The following SGCG variants were observed in gnomAD, a reference collection of about 807,000 sequenced individuals.
The protein encoded by SGCG is sarcoglycan gamma, also known as gamma-sarcoglycan.
Under a neutral mutation model 29.3 loss-of-function variants are expected in SGCG, and 26 were observed. The observed-to-expected ratio is 0.89, with a 90% CI of 0.65 to 1.23. The LOEUF is 1.23. Among genes scored for constraint, SGCG ranks in the 50% most tolerant of loss-of-function variants. SGCG has a pLI of 0.00. For missense variants in SGCG, 353 were observed against 356.0 expected (o/e 0.99, Z 0.07); for synonymous variants, 145 against 129.7 (o/e 1.12, Z -0.80).
intron 5 of SGCG, among the ~76,000 whole-genome samples, chr13:23,294,890 G>A (rs1255546084): frequency 6.6e-6 from 1 of 152,162 alleles, no homozygotes; most frequent in Non-Finnish European, 1.5e-5. Context: ...CTGACACAGG[G>A]CCTTGCATAT....
intron 4 of SGCG, among the ~76,000 whole-genome samples, chr13:23,257,908 A>C (rs1469402010): frequency 6.6e-6 from 1 of 151,948 alleles, no homozygotes; most frequent in African/African-American, 2.4e-5. Flanking sequence ...TGGTCTATAT[A>C]TCTGTTTTGG....
chr13:23,205,979 C>A (rs903996836), intron 2 of SGCG, among the ~76,000 whole-genome samples: 2 of 152,170 alleles, frequency 1.3e-5, no homozygotes, highest in Admixed American at 6.5e-5. Flanking sequence ...GACTTTGGGT[C>A]ATTATTCTCA....
At chr13:23,279,867 A>G (rs1881241236) in intron 5 of SGCG, among the ~76,000 whole-genome samples, 1 of 152,006 alleles carries the variant, frequency 6.6e-6, no homozygotes, top group East Asian at 1.9e-4. Context: ...AGCTGAGACT[A>G]CAGGCACCCG....
intron 4 of SGCG, among the ~76,000 whole-genome samples, chr13:23,260,685 G>C (rs1056908985): frequency 3.3e-5 from 5 of 152,094 alleles, no homozygotes; most frequent in Non-Finnish European, 5.9e-5. Flanking sequence ...GGCTGGTACT[G>C]GTTTTTCCTT....
At chr13:23,302,476 A>G (rs956073307) in intron 6 of SGCG, among the ~76,000 whole-genome samples, 17 of 151,966 alleles carry the variant, frequency 1.1e-4, no homozygotes, top group South Asian at 2.1e-4. Flanking sequence ...TCCTCCCATT[A>G]TTGTATATTT....
chr13:23,250,661 A>G lies in SGCG; in HGVS notation c.329A>G (p.Asn110Ser). The G allele has an allele frequency of 1.2e-6, 2 of 1,612,896 alleles. No individual in the cohort carries two copies. The highest frequency in any genetic ancestry group is 1.7e-6 in the Non-Finnish European group (2 of 1,178,894). ...TCTCTGCTTCTACAATCAACCCAGA[A>G]TGTGACTGTAAATGCGCGCAACTCA... is the stretch of plus-strand genomic sequence containing the variant. The part of the protein sequence containing the change: ...DSSLLLQSTQ[N>S]VTVNARNSEG... Residue 110 changes from asparagine to serine, a missense_variant, in exon 4 of 8, where the codon AAT becomes AGT. Asn to Ser is a conservative substitution (Grantham distance 46). Coordinates refer to ENST00000218867, the MANE Select transcript of SGCG (RefSeq NM_000231.3).
At chr13:23,305,321 A>G (rs1347117902) in intron 6 of SGCG, among the ~76,000 whole-genome samples, 1 of 152,172 alleles carries the variant, frequency 6.6e-6, no homozygotes, top group African/African-American at 2.4e-5. Context: ...CATCATCATT[A>G]TTCCCTGTTA....
At chr13:23,250,143 A>G (rs927155273) in intron 3 of SGCG, among the ~76,000 whole-genome samples, 20 of 152,228 alleles carry the variant, frequency 1.3e-4, no homozygotes, top group African/African-American at 3.9e-4. Flanking sequence ...CAATACCACA[A>G]ATGTGTCTGT....
At chr13:23,210,508 A>G (rs1381400945) in intron 2 of SGCG, among the ~76,000 whole-genome samples, 1 of 152,038 alleles carries the variant, frequency 6.6e-6, no homozygotes, top group East Asian at 1.9e-4. Context: ...TGGTTAACAC[A>G]GTGAAACCCT....
At chr13:23,190,226 T>C (rs1480423487) in intron 1 of SGCG, among the ~76,000 whole-genome samples, 1 of 151,304 alleles carries the variant, frequency 6.6e-6, no homozygotes. Flanking sequence ...AGAGTCTTGA[T>C]TGATTGATAA....
chr13:23,219,269 G>A (rs1012329635), intron 2 of SGCG, among the ~76,000 whole-genome samples: 7 of 151,940 alleles, frequency 4.6e-5, no homozygotes, highest in Admixed American at 1.3e-4. Flanking sequence ...GGATGGTCTC[G>A]ATCTCCTGAC....
intron 7 of SGCG, among the ~76,000 whole-genome samples, chr13:23,323,033 T>C (rs545900201): frequency 2.6e-5 from 4 of 152,034 alleles, no homozygotes; most frequent in Admixed American, 6.5e-5. Context: ...GTGATATTAA[T>C]AGGAACGTGT....
At chr13:23,190,530 C>T (rs1479446661) in intron 1 of SGCG, among the ~76,000 whole-genome samples, 5 of 152,144 alleles carry the variant, frequency 3.3e-5, no homozygotes, top group Non-Finnish European at 7.3e-5. Context: ...GACACATATG[C>T]TACCTGCATA....
At chr13:23,294,740 CG>C (rs552051418) in intron 5 of SGCG, among the ~76,000 whole-genome samples, 1 of 152,186 alleles carries the variant, frequency 6.6e-6, no homozygotes, top group Non-Finnish European at 1.5e-5. Context: ...ACTCTAGGCA[CG>C]TTAATTAACC....
chr13:23,241,501 C>T (rs1189467392), intron 3 of SGCG, among the ~76,000 whole-genome samples: 1 of 152,092 alleles, frequency 6.6e-6, no homozygotes, highest in African/African-American at 2.4e-5. Context: ...AAAGGAAAGT[C>T]CAGGACCAGA....
the SGCG span, among the ~76,000 whole-genome samples, chr13:23,167,866 G>A: frequency 6.6e-6 from 1 of 151,816 alleles, no homozygotes; most frequent in Non-Finnish European, 1.5e-5. Flanking sequence ...TGAGTAGCTG[G>A]GATTACAGGC....
At chr13:23,180,331 A>G (rs1876687140), upstream of SGCG, among the ~76,000 whole-genome samples, 1 of 111,048 alleles carries the variant, frequency 9.0e-6, no homozygotes, top group South Asian at 3.1e-4. Context: ...ACATTCACAT[A>G]ATTTGTTAAA....
the SGCG span, among the ~76,000 whole-genome samples, chr13:23,171,091 C>T: frequency 2.3e-3 from 343 of 152,270 alleles, 1 homozygote; most frequent in African/African-American, 7.9e-3. Context: ...ATGTCTTTAT[C>T]GTATCAGGCA....
chr13:23,275,097 T>C (rs1881017669), intron 4 of SGCG, among the ~76,000 whole-genome samples: 1 of 134,754 alleles, frequency 7.4e-6, no homozygotes, highest in Non-Finnish European at 1.6e-5. Flanking sequence ...AGTTGGCAGG[T>C]AGGATAGTGT....
Sources: gnomAD v4.1 joint callset for allele counts (sites outside exome capture counted in the v4.1 genomes callset) on GRCh38, gnomAD v4.1.1 for gene constraint, MANE v1.5 for transcripts, NCBI Gene and HGNC (gene_info 2026-07-23, HGNC 2026-07-21) for gene names.